The following TLE1 variants were observed in gnomAD, a reference collection of about 807,000 sequenced individuals.
TLE1 encodes TLE family member 1, transcriptional corepressor.
TLE1 carries 21 observed loss-of-function variants against 89.8 expected under a neutral mutation model. That is an observed-to-expected ratio of 0.23 (90% CI 0.17 to 0.34). The LOEUF (loss-of-function observed/expected upper bound fraction) is 0.34, where lower values mean the gene tolerates loss of function less well. Among genes scored for constraint, TLE1 ranks in the 10% least tolerant of loss-of-function variants. The pLI, the probability that TLE1 is intolerant of heterozygous loss-of-function variation, is 1.00. For missense variants in TLE1, 795 were observed against 1,031.2 expected (o/e 0.77, Z 3.14); for synonymous variants, 447 against 407.6 (o/e 1.10, Z -1.16).
intron 14 of TLE1, among the ~76,000 whole-genome samples, chr9:81,597,038 G>A (rs1326154895): frequency 6.6e-6 from 1 of 152,198 alleles, no homozygotes; most frequent in East Asian, 1.9e-4. Context: ...AAACTTTGCT[G>A]TTAAATGAAC....
rs754384300 is a variant in TLE1, at chr9:81,611,863, G to A, written c.1160C>T (p.Pro387Leu). The A allele has an allele frequency of 2.6e-6, 4 of 1,559,234 alleles. No homozygotes were observed. The highest frequency in any genetic ancestry group is 2.6e-6 in the Non-Finnish European group (3 of 1,156,446). ...GTGTAAACTGGCGTAGGCAGCGCCT[G>A]GGCTGGTCAGCTCGCCGTTCATGCC... ...HAGMNGELTS[P>L]GAAYASLHNM... Residue 387 changes from proline (P) to leucine (L), a missense_variant, in exon 13 of 20, where the codon CCA (proline) becomes CTA (leucine). By Grantham distance (98) the Pro-to-Leu change is moderately conservative. Around this residue, in one of 4 missense-constraint regions of TLE1, gnomAD observed 468 missense variants for 509.1 expected, o/e 0.92. Coordinates refer to ENST00000376499, the MANE Select transcript of TLE1 (RefSeq NM_005077.5).
chr9:81,628,094 TAGG>T (rs1357315380), intron 8 of TLE1, among the ~76,000 whole-genome samples: 1 of 152,150 alleles, frequency 6.6e-6, no homozygotes, highest in Non-Finnish European at 1.5e-5. Context: ...AAAAAACAAA[TAGG>T]AGAGAAACCC....
At chr9:81,599,850 T>C in intron 14 of TLE1, 1 of 401,504 alleles carries the variant, frequency 2.5e-6, no homozygotes, top group Non-Finnish European at 4.5e-6. Context: ...TTCAAAGCAT[T>C]AGGTTGGGAG....
chr9:81,608,392 T>C (rs1587942717), intron 14 of TLE1, among the ~76,000 whole-genome samples: 1 of 152,106 alleles, frequency 6.6e-6, no homozygotes, highest in Admixed American at 6.5e-5. Flanking sequence ...CACACGCCTG[T>C]AGTCTTAGCT....
chr9:81,622,869 G>A (rs746197081), intron 8 of TLE1, among the ~76,000 whole-genome samples: 38 of 152,160 alleles, frequency 2.5e-4, no homozygotes, highest in South Asian at 4.1e-4. Context: ...ACCACACTCA[G>A]ACCCAGGGAT....
chr9:81,588,483 G>A (rs1370878655), intron 16 of TLE1, among the ~76,000 whole-genome samples: 3 of 152,184 alleles, frequency 2.0e-5, no homozygotes, highest in Non-Finnish European at 4.4e-5. Flanking sequence ...ATTGGGCAGA[G>A]ACACAGGTAA....
intron 9 of TLE1, among the ~76,000 whole-genome samples, chr9:81,618,081 G>C (rs2132147048): frequency 6.6e-6 from 1 of 152,208 alleles, no homozygotes; most frequent in Non-Finnish European, 1.5e-5. Flanking sequence ...CATCAAGTTT[G>C]AGGCAGGCTG....
At chr9:81,661,623 T>C (rs1426855739) in intron 4 of TLE1, among the ~76,000 whole-genome samples, 1 of 151,902 alleles carries the variant, frequency 6.6e-6, no homozygotes, top group African/African-American at 2.4e-5. Context: ...CACAGTGGAG[T>C]GTTGGTAAGA....
At chr9:81,625,561 C>T (rs563235345) in intron 8 of TLE1, among the ~76,000 whole-genome samples, 24 of 145,754 alleles carry the variant, frequency 1.6e-4, no homozygotes, top group East Asian at 1.3e-3. Flanking sequence ...TAAAATAAAA[C>T]AAAACTAAAC....
At chr9:81,599,805 G>A (rs1188588129) in intron 14 of TLE1, 4 of 327,950 alleles carry the variant, frequency 1.2e-5, no homozygotes, top group Admixed American at 9.1e-5. Context: ...TGTTAACGGA[G>A]GGCTTTATTA....
chr9:81,652,559 A>C (rs1314426948), intron 5 of TLE1, among the ~76,000 whole-genome samples: 5 of 152,318 alleles, frequency 3.3e-5, no homozygotes, highest in Admixed American at 6.5e-5. Context: ...GGACATAAAG[A>C]ATGATAACAT....
intron 4 of TLE1, among the ~76,000 whole-genome samples, chr9:81,663,013 A>T (rs76867202): frequency 0.019 from 2,951 of 151,926 alleles, 106 homozygotes; most frequent in African/African-American, 0.067. Flanking sequence ...ACGTGCAGCT[A>T]ATTTTTGCAT....
Position 81,685,779 on chromosome 9 carries a change from A to G in TLE1, c.189+54T>C. ...AACTCATGTTTTTTACACTCTGCTA[A>G]CACGTTTGCTAATATCATATGAAAA... On this transcript the variant is annotated intron_variant, in intron 3 of 19. Transcript: ENST00000376499. 3 of 1,612,136 alleles carry G rather than the reference A, an allele frequency of 1.9e-6. No homozygotes were observed. The South Asian group carries it at 3.3e-5, about 18-fold the overall frequency.
chr9:81,681,259 T>C (rs1833587582), intron 4 of TLE1, among the ~76,000 whole-genome samples: 1 of 152,174 alleles, frequency 6.6e-6, no homozygotes, highest in South Asian at 2.1e-4. Flanking sequence ...TTTTAAATGC[T>C]TCACCATCGG....
In TLE1 at chr9:81,591,982, C is replaced by CCAGGG. The variant is rs755543044; in HGVS notation, c.1582-935_1582-931dup. On this transcript the variant is annotated intron_variant, in intron 15 of 19. Transcript: ENST00000376499. ...CAGCAGAGTGCAGGCAGACACCACA[C>CCAGGG]CAGGGCAGGGCAGGGCAGGGCAGCT... Among the ~76,000 whole-genome samples, 122 of 152,274 alleles carry CCAGGG rather than the reference C, an allele frequency of 8.0e-4. 1 individual carries two copies. Among genetic ancestry groups the CCAGGG allele is most frequent in the African/African-American group, 2.6e-3 (110 of 41,560 alleles).
intron 4 of TLE1, among the ~76,000 whole-genome samples, chr9:81,660,572 C>A (rs899487474): frequency 1.3e-5 from 2 of 150,784 alleles, no homozygotes; most frequent in African/African-American, 4.9e-5. Flanking sequence ...TGCTACCACA[C>A]CCGGCTAATT....
At chr9:81,667,914 A>T (rs1397177072) in intron 4 of TLE1, among the ~76,000 whole-genome samples, 1 of 152,220 alleles carries the variant, frequency 6.6e-6, no homozygotes, top group Non-Finnish European at 1.5e-5. Context: ...CTGTAACCCC[A>T]GCATTTTGGG....
chr9:81,651,773 G>A (rs1829570778), intron 6 of TLE1, among the ~76,000 whole-genome samples: 1 of 152,066 alleles, frequency 6.6e-6, no homozygotes, highest in South Asian at 2.1e-4. Context: ...GACTAATGAA[G>A]CAAGGGTGGT....
chr9:81,654,145 G>T, intron 4 of TLE1, 109 bp from the exon 5 acceptor site: 2 of 1,000,682 alleles, frequency 2.0e-6, no homozygotes, highest in Non-Finnish European at 3.0e-6. Context: ...CTCTGGAAAT[G>T]TGTATAAAAT....
Sources: gnomAD v4.1 joint callset for allele counts (sites outside exome capture counted in the v4.1 genomes callset) on GRCh38, gnomAD v4.1.1 for gene constraint, gnomAD v4.1.1 regional missense constraint, MANE v1.5 for transcripts, NCBI Gene and HGNC (gene_info 2026-07-23, HGNC 2026-07-21) for gene names.